Variants in PPARGC1A observed in about 807,000 individuals in gnomAD.
The protein encoded by PPARGC1A is PPARG coactivator 1 alpha.
Under a neutral mutation model 88.7 loss-of-function variants are expected in PPARGC1A, and 25 were observed. That is an observed-to-expected ratio of 0.28 (90% CI 0.21 to 0.39). The LOEUF (loss-of-function observed/expected upper bound fraction) is 0.39, where lower values mean the gene tolerates loss of function less well. PPARGC1A is among the 10% of genes least tolerant of loss of function. The probability of loss-of-function intolerance (pLI) is 1.00; values close to 1 mark genes in which losing one functional copy is unlikely to be tolerated. For synonymous variants in PPARGC1A, 363 were observed against 355.6 expected (o/e 1.02, Z -0.24); for missense variants, 880 against 968.7 (o/e 0.91, Z 1.22).
chr4:24,015,433 G>T, the PPARGC1A span, among the ~76,000 whole-genome samples: 1 of 152,062 alleles, frequency 6.6e-6, no homozygotes, highest in African/African-American at 2.4e-5. Context: ...TAAAACAGTT[G>T]CTATTTACTC....
the PPARGC1A span, among the ~76,000 whole-genome samples, chr4:24,077,630 T>C: frequency 8.2e-6 from 1 of 121,590 alleles, no homozygotes; most frequent in Admixed American, 7.7e-5. Flanking sequence ...TAGGGGTGTG[T>C]GTGTGTGTGT....
the PPARGC1A span, among the ~76,000 whole-genome samples, chr4:24,077,624 G>GGTGT: frequency 0.017 from 2,245 of 130,922 alleles, 28 homozygotes; most frequent in East Asian, 0.038. Context: ...TGTGTCTAGG[G>GGTGT]GTGTGTGTGT....
At chr4:24,472,351 G>T in the PPARGC1A span, among the ~76,000 whole-genome samples, 1 of 146,296 alleles carries the variant, frequency 6.8e-6, no homozygotes, top group Non-Finnish European at 1.5e-5. The surrounding 1 kb of genome is among the most constrained non-coding windows in gnomAD (Gnocchi z 4.5). Context: ...GCGCGACGCC[G>T]CCCGGCACCG....
chr4:23,915,885 A>G, the PPARGC1A span, among the ~76,000 whole-genome samples: 1 of 152,218 alleles, frequency 6.6e-6, no homozygotes, highest in Non-Finnish European at 1.5e-5. Flanking sequence ...ATCTAAGTTC[A>G]GCTCCTAAGG....
In PPARGC1A at chr4:23,795,359, G is replaced by T. The variant is rs1219172377; in HGVS notation, c.*463C>A. 7.0e-6 allele frequency: 1 copy of T among 143,338 alleles called. No individual in the cohort carries two copies. The highest frequency in any genetic ancestry group is 2.6e-5 in the African/African-American group (1 of 38,512). The allele number at this position is 143,338 out of a possible 1,614,324, so 8.9% of individuals were successfully genotyped here. On this transcript the variant is annotated 3_prime_UTR_variant, in exon 13 of 13. Transcript: ENST00000264867. ...CTTTTGAATAGAATACGAACATTTT[G>T]AAGTTCTAGGTTTTAAGCGTGTCTT...
At chr4:24,384,047 CTACAAACCAGAAGAGAG>C in the PPARGC1A span, among the ~76,000 whole-genome samples, 2 of 152,136 alleles carry the variant, frequency 1.3e-5, no homozygotes, top group Non-Finnish European at 2.9e-5. Flanking sequence ...TGCAGAAACC[CTACAAACCAGAAGAGAG>C]TGGGGGCCAA....
the PPARGC1A span, among the ~76,000 whole-genome samples, chr4:24,329,077 A>T: frequency 6.6e-6 from 1 of 152,132 alleles, no homozygotes; most frequent in African/African-American, 2.4e-5. Flanking sequence ...TCCTGAGATA[A>T]GGATGCTATT....
At chr4:24,044,266 C>T in the PPARGC1A span, among the ~76,000 whole-genome samples, 18 of 152,134 alleles carry the variant, frequency 1.2e-4, no homozygotes, top group Non-Finnish European at 1.9e-4. Context: ...GCAAATGAGA[C>T]GCCACTTTGT....
chr4:24,370,285 A>G, the PPARGC1A span, among the ~76,000 whole-genome samples: 8 of 152,254 alleles, frequency 5.3e-5, no homozygotes, highest in African/African-American at 1.9e-4. Context: ...AACTACTAGT[A>G]TTTATTTTAA....
At chr4:24,333,760 C>A in the PPARGC1A span, among the ~76,000 whole-genome samples, 32 of 151,806 alleles carry the variant, frequency 2.1e-4, no homozygotes, top group African/African-American at 7.0e-4. Flanking sequence ...ATGGTAAAAC[C>A]CTGATTCTAC....
At chr4:23,825,744 C>T (rs1723815905) in intron 5 of PPARGC1A, among the ~76,000 whole-genome samples, 1 of 152,072 alleles carries the variant, frequency 6.6e-6, no homozygotes, top group South Asian at 2.1e-4. Context: ...TTTAGATCTA[C>T]ACAGTTGAAT....
chr4:23,965,063 C>T, the PPARGC1A span, among the ~76,000 whole-genome samples: 1 of 152,246 alleles, frequency 6.6e-6, no homozygotes, highest in South Asian at 2.1e-4. Flanking sequence ...CCATCCTTCC[C>T]CTATTCTCCC....
At chr4:24,224,691 G>A in the PPARGC1A span, among the ~76,000 whole-genome samples, 4 of 152,192 alleles carry the variant, frequency 2.6e-5, no homozygotes, top group Non-Finnish European at 4.4e-5. Flanking sequence ...AAAGTGGAAA[G>A]GGGAGGTGGA....
chr4:24,294,364 A>G, the PPARGC1A span, among the ~76,000 whole-genome samples: 9 of 152,346 alleles, frequency 5.9e-5, no homozygotes, highest in African/African-American at 2.2e-4. Flanking sequence ...TGTATATTAC[A>G]GTTCCTCCGT....
chr4:24,471,639 C>T, the PPARGC1A span, among the ~76,000 whole-genome samples: 8,427 of 152,238 alleles, frequency 0.055, 326 homozygotes, highest in African/African-American at 0.1. The surrounding 1 kb of genome is among the most constrained non-coding windows in gnomAD (Gnocchi z 5.4). Flanking sequence ...CCGGCGTCTA[C>T]CCCCAGCGTC....
intron 2 of PPARGC1A, among the ~76,000 whole-genome samples, chr4:23,837,233 A>C (rs1726180130): frequency 6.6e-6 from 1 of 152,162 alleles, no homozygotes; most frequent in Non-Finnish European, 1.5e-5. Flanking sequence ...TCATTCATTA[A>C]TCAGTTTCAG....
chr4:24,368,510 G>T, the PPARGC1A span, among the ~76,000 whole-genome samples: 2 of 152,016 alleles, frequency 1.3e-5, no homozygotes, highest in South Asian at 4.2e-4. Flanking sequence ...GGGTACCTAA[G>T]ATTCCAGCAA....
At chr4:24,088,957 T>TG in the PPARGC1A span, among the ~76,000 whole-genome samples, 4 of 152,104 alleles carry the variant, frequency 2.6e-5, no homozygotes, top group Non-Finnish European at 5.9e-5. Flanking sequence ...ATCTGTAAAA[T>TG]GGGGATAATC....
chr4:24,467,634 TC>T, the PPARGC1A span, among the ~76,000 whole-genome samples: 1 of 150,952 alleles, frequency 6.6e-6, no homozygotes, highest in South Asian at 2.1e-4. Context: ...GCTTTGGCTA[TC>T]CATATTCATG....
Sources: allele counts gnomAD v4.1 joint callset (sites outside exome capture counted in the v4.1 genomes callset), GRCh38; gene constraint gnomAD v4.1.1; non-coding constraint Gnocchi (gnomAD v3.1); transcripts MANE v1.5; gene names NCBI Gene and HGNC (gene_info 2026-07-23, HGNC 2026-07-21).